Variants in FRMD5 observed in about 807,000 individuals in gnomAD.
FRMD5 encodes FERM domain-containing protein 5.
FRMD5 carries 20 observed loss-of-function variants against 69.0 expected under a neutral mutation model. The ratio of observed to expected loss-of-function variants is 0.29; its 90% CI spans 0.20 to 0.42. The LOEUF (loss-of-function observed/expected upper bound fraction) is 0.42. Among genes scored for constraint, FRMD5 ranks in the 10% least tolerant of loss-of-function variants. FRMD5 has a pLI of 1.00. For missense variants in FRMD5, 595 were observed against 708.6 expected (o/e 0.84, Z 1.82); for synonymous variants, 271 against 260.1 (o/e 1.04, Z -0.40).
intron 1 of FRMD5, among the ~76,000 whole-genome samples, chr15:43,957,118 T>G (rs2090127058): frequency 6.6e-6 from 1 of 152,234 alleles, no homozygotes; most frequent in Non-Finnish European, 1.5e-5. Context: ...TAAAAATTAT[T>G]CTTAACCTTG....
At chr15:43,940,560 C>T (rs978109073) in intron 1 of FRMD5, among the ~76,000 whole-genome samples, 1 of 152,126 alleles carries the variant, frequency 6.6e-6, no homozygotes, top group African/African-American at 2.4e-5. Flanking sequence ...CAAATAACTG[C>T]CTTGGTACAA....
chr15:44,112,076 C>G (rs1166828671), intron 1 of FRMD5, among the ~76,000 whole-genome samples: 1 of 152,120 alleles, frequency 6.6e-6, no homozygotes, highest in African/African-American at 2.4e-5. Context: ...ATCTCCTGAC[C>G]TCGTGATCCG....
intron 1 of FRMD5, among the ~76,000 whole-genome samples, chr15:44,023,886 G>C (rs1241829541): frequency 1.3e-5 from 2 of 152,126 alleles, no homozygotes; most frequent in African/African-American, 2.4e-5. Context: ...TATCAAGAAA[G>C]AAGATAACCT....
At chr15:44,101,758 G>T (rs1399252309) in intron 1 of FRMD5, among the ~76,000 whole-genome samples, 1 of 152,222 alleles carries the variant, frequency 6.6e-6, no homozygotes, top group East Asian at 1.9e-4. Context: ...GATGGAGCCT[G>T]TTACTAAAGG....
chr15:43,939,909 C>T (rs916128603), intron 1 of FRMD5, among the ~76,000 whole-genome samples: 5 of 152,002 alleles, frequency 3.3e-5, no homozygotes, highest in South Asian at 2.1e-4. Context: ...GCACCAGGCG[C>T]GGTGGCTCAT....
intron 1 of FRMD5, chr15:43,990,196 G>A (rs891271177): frequency 2.2e-5 from 11 of 488,924 alleles, no homozygotes; most frequent in Non-Finnish European, 2.8e-5. Context: ...GTGAGCTGGC[G>A]GCGGGTGTGG....
chr15:44,182,524 T>C (rs546030233), intron 1 of FRMD5, among the ~76,000 whole-genome samples: 1 of 151,484 alleles, frequency 6.6e-6, no homozygotes, highest in East Asian at 2.0e-4. Context: ...AGAGACGAGG[T>C]TTCATCATGT....
intron 1 of FRMD5, among the ~76,000 whole-genome samples, chr15:44,070,937 T>A: frequency 6.6e-6 from 1 of 152,128 alleles, no homozygotes. Context: ...CCAAAAAAGG[T>A]CTGGCCCCTC....
intron 1 of FRMD5, among the ~76,000 whole-genome samples, chr15:43,967,636 G>C (rs1331050919): frequency 6.6e-6 from 1 of 152,110 alleles, no homozygotes; most frequent in Non-Finnish European, 1.5e-5. Context: ...AAGACCTGTG[G>C]TAACTAACAC....
At chr15:44,150,666 T>A (rs898693462) in intron 1 of FRMD5, among the ~76,000 whole-genome samples, 15 of 151,498 alleles carry the variant, frequency 9.9e-5, no homozygotes, top group African/African-American at 3.6e-4. Context: ...TGGTGCTATA[T>A]GCCTGTGGTC....
At chr15:44,060,816 G>A (rs1893058819) in intron 1 of FRMD5, among the ~76,000 whole-genome samples, 1 of 152,190 alleles carries the variant, frequency 6.6e-6, no homozygotes, top group South Asian at 2.1e-4. Flanking sequence ...CTGAATCTGA[G>A]AATACTTGGA....
chr15:44,103,689 C>T (rs887559591), intron 1 of FRMD5, among the ~76,000 whole-genome samples: 8 of 152,332 alleles, frequency 5.3e-5, no homozygotes, highest in African/African-American at 1.9e-4. Flanking sequence ...CAATCATTCC[C>T]CATTTCCCAA....
chr15:44,141,030 A>T (rs572345701), intron 1 of FRMD5, among the ~76,000 whole-genome samples: 48 of 151,916 alleles, frequency 3.2e-4, no homozygotes, highest in East Asian at 2.3e-3. Flanking sequence ...GTAATTTTTT[A>T]AAAAAAACCA....
At chr15:44,043,155 G>C (rs960760016) in intron 1 of FRMD5, among the ~76,000 whole-genome samples, 2 of 152,182 alleles carry the variant, frequency 1.3e-5, no homozygotes, top group African/African-American at 4.8e-5. Flanking sequence ...GCCAAATCAT[G>C]AGTGAACTCC....
At chr15:43,965,470 T>C (rs2090277989) in intron 1 of FRMD5, among the ~76,000 whole-genome samples, 1 of 152,156 alleles carries the variant, frequency 6.6e-6, no homozygotes, top group South Asian at 2.1e-4. Context: ...CTAATGTGTC[T>C]AGGTTGGGAT....
intron 1 of FRMD5, among the ~76,000 whole-genome samples, chr15:43,997,468 G>A (rs961243464): frequency 1.3e-5 from 2 of 152,176 alleles, no homozygotes; most frequent in African/African-American, 4.8e-5. Context: ...ATTCTCTTGT[G>A]GTTCATCTCA....
At chr15:43,964,705 G>A (rs184072313) in intron 1 of FRMD5, among the ~76,000 whole-genome samples, 2 of 152,102 alleles carry the variant, frequency 1.3e-5, no homozygotes, top group South Asian at 4.1e-4. Flanking sequence ...AATTCCAGAT[G>A]ATGACAATTT....
At chr15:44,112,229 A>G (rs1246585191) in intron 1 of FRMD5, among the ~76,000 whole-genome samples, 1 of 152,140 alleles carries the variant, frequency 6.6e-6, no homozygotes, top group African/African-American at 2.4e-5. Context: ...GTTGTGCTAT[A>G]TTGCTTAAGT....
At chr15:44,129,380 G>A (rs913636484) in intron 1 of FRMD5, among the ~76,000 whole-genome samples, 6 of 152,130 alleles carry the variant, frequency 3.9e-5, no homozygotes, top group Non-Finnish European at 7.3e-5. Flanking sequence ...TCCCAAAAAT[G>A]TAATAAGCAA....
Sources: allele counts gnomAD v4.1 joint callset (sites outside exome capture counted in the v4.1 genomes callset), GRCh38; gene constraint gnomAD v4.1.1; transcripts MANE v1.5; gene names NCBI Gene and HGNC (gene_info 2026-07-23, HGNC 2026-07-21).